Variants in DPYSL3 observed in about 807,000 individuals in gnomAD.
DPYSL3 encodes dihydropyrimidinase-related protein 3.
In DPYSL3, 16 loss-of-function variants were observed where a neutral mutation model predicts 66.1. The ratio of observed to expected loss-of-function variants is 0.24; its 90% CI spans 0.16 to 0.37. The LOEUF (loss-of-function observed/expected upper bound fraction) is 0.37. Ranked by LOEUF, DPYSL3 falls within the 10% of genes least tolerant of loss-of-function variation. The probability of loss-of-function intolerance (pLI) is 1.00; values close to 1 mark genes in which losing one functional copy is unlikely to be tolerated. For missense variants in DPYSL3, 738 were observed against 916.2 expected, an observed-to-expected ratio of 0.81 and a Z score of 2.51; for synonymous variants, 338 against 345.1, an observed-to-expected ratio of 0.98 and a Z score of 0.23.
intron 3 of DPYSL3, among the ~76,000 whole-genome samples, 198 bp downstream of exon 3, chr5:147,418,249 C>T (rs1445502803): frequency 6.6e-6 from 1 of 152,188 alleles, no homozygotes; most frequent in Admixed American, 6.5e-5. Flanking sequence ...GACCAAGAGC[C>T]TCATGAATCT....
chr5:147,502,608 G>T (rs1425246455), intron 1 of DPYSL3, among the ~76,000 whole-genome samples: 3 of 119,858 alleles, frequency 2.5e-5, no homozygotes, highest in African/African-American at 6.6e-5. Flanking sequence ...ACGGAGTCTC[G>T]CTCTGTCGCC....
rs56967216 is a variant in DPYSL3 at position 147,494,689 on chromosome 5, C to A, written c.381+14789G>T. ...GACCATCCTGGCTAACATGGTGAAA[C>A]CCCGTCTCTACGAAAAATACAAAAA... is the stretch of plus-strand genomic sequence containing the variant. On this transcript the variant is annotated intron_variant, in intron 1 of 13. Transcript: ENST00000343218. Among the ~76,000 whole-genome samples the A allele has an allele frequency of 8.7e-3, 1,276 of 146,304 alleles. 15 individuals are homozygous for A. Among genetic ancestry groups the A allele is most frequent in the African/African-American group, 0.031 (1,224 of 39,370 alleles).
intron 1 of DPYSL3, among the ~76,000 whole-genome samples, chr5:147,481,546 C>G (rs1753243931): frequency 6.6e-6 from 1 of 152,142 alleles, no homozygotes; most frequent in African/African-American, 2.4e-5. Flanking sequence ...AGGGATGATG[C>G]AAAAGGCTTG....
intron 7 of DPYSL3, among the ~76,000 whole-genome samples, chr5:147,408,349 A>C (rs1021435798): frequency 7.2e-5 from 11 of 152,212 alleles, no homozygotes; most frequent in Non-Finnish European, 1.3e-4. Context: ...CAAATTGATG[A>C]GTATAATGTA....
At chr5:147,504,835 C>T (rs1753662288) in intron 1 of DPYSL3, among the ~76,000 whole-genome samples, 1 of 152,108 alleles carries the variant, frequency 6.6e-6, no homozygotes, top group African/African-American at 2.4e-5. Flanking sequence ...CAATAAAAAC[C>T]CCTGTAATCA....
intron 1 of DPYSL3, among the ~76,000 whole-genome samples, chr5:147,502,752 A>G (rs1753631089): frequency 6.6e-6 from 1 of 151,450 alleles, no homozygotes. Flanking sequence ...AATTTTTTGT[A>G]TTTTTAGTAG....
At chr5:147,453,737 C>T (rs1470706024) in intron 1 of DPYSL3, 1 of 1,313,738 alleles carries the variant, frequency 7.6e-7, no homozygotes, top group Non-Finnish European at 9.7e-7. Flanking sequence ...CCGCCCCCCT[C>T]CCGGGCTCCC....
intron 1 of DPYSL3, among the ~76,000 whole-genome samples, chr5:147,508,153 A>T (rs1296759004): frequency 6.6e-6 from 1 of 152,224 alleles, no homozygotes; most frequent in African/African-American, 2.4e-5. Flanking sequence ...AAAATCACAA[A>T]CTAAATGAAT....
chr5:147,408,392 GC>G (rs1751766613), intron 7 of DPYSL3, among the ~76,000 whole-genome samples: 1 of 151,994 alleles, frequency 6.6e-6, no homozygotes, highest in Non-Finnish European at 1.5e-5. Context: ...TTATCTATAT[GC>G]CAATATTTTG....
rs1007954166 is a variant in DPYSL3, at chr5:147,492,382, C to A, written c.381+17096G>T. ...TAAATAAGTAAAGGTAATATGAAAA[C>A]TTTGTTTTTCCTATTCTTAATGTAT... On this transcript the variant is annotated intron_variant, in intron 1 of 13. Coordinates refer to ENST00000343218, the MANE Select transcript of DPYSL3 (RefSeq NM_001197294.2). 3.1e-4 allele frequency among the ~76,000 whole-genome samples: 47 copies of A among 151,876 alleles called. 1 individual carries two copies. The highest frequency in any genetic ancestry group is 7.4e-5 in the Non-Finnish European group (5 of 67,916).
intron 1 of DPYSL3, among the ~76,000 whole-genome samples, chr5:147,494,851 C>A (rs1007714600): frequency 3.3e-5 from 5 of 149,824 alleles, no homozygotes; most frequent in African/African-American, 1.2e-4. Context: ...TGCACTCCAG[C>A]CTGGGTGACA....
At chr5:147,459,166 T>A (rs1752897487) in intron 1 of DPYSL3, among the ~76,000 whole-genome samples, 1 of 152,106 alleles carries the variant, frequency 6.6e-6, no homozygotes, top group South Asian at 2.1e-4. Flanking sequence ...CCAAAACATT[T>A]AAAATAAGGA....
At chr5:147,439,167 A>C (rs1279686460) in intron 1 of DPYSL3, among the ~76,000 whole-genome samples, 1 of 152,230 alleles carries the variant, frequency 6.6e-6, no homozygotes, top group Non-Finnish European at 1.5e-5. Flanking sequence ...GAACAAAATA[A>C]AATAAGGCAC....
chr5:147,413,559 C>T (rs374586667), intron 5 of DPYSL3, 37 bp downstream of exon 5: 162 of 1,553,074 alleles, frequency 1.0e-4, no homozygotes, highest in Non-Finnish European at 1.3e-4. Flanking sequence ...GGAAACCCAT[C>T]CAGATACCCC....
chr5:147,410,281 C>G (rs1581178376), intron 6 of DPYSL3, among the ~76,000 whole-genome samples: 1 of 152,226 alleles, frequency 6.6e-6, no homozygotes, highest in East Asian at 1.9e-4. Flanking sequence ...ATTTAAATCA[C>G]CAGGGGATTA....
chr5:147,428,807 G>A (rs1024658084), intron 1 of DPYSL3, among the ~76,000 whole-genome samples: 4 of 152,092 alleles, frequency 2.6e-5, no homozygotes, highest in African/African-American at 7.2e-5. Flanking sequence ...ACGGTGGGTG[G>A]GGTGCGGGGA....
intron 1 of DPYSL3, among the ~76,000 whole-genome samples, chr5:147,480,825 C>T (rs1041410547): frequency 6.6e-6 from 1 of 151,610 alleles, no homozygotes; most frequent in Non-Finnish European, 1.5e-5. Flanking sequence ...CGGGTTTAAG[C>T]GATTCTTCTG....
At chr5:147,421,067 G>A (rs2126319011) in intron 2 of DPYSL3, among the ~76,000 whole-genome samples, 1 of 152,324 alleles carries the variant, frequency 6.6e-6, no homozygotes, top group South Asian at 2.1e-4. Flanking sequence ...AAGAGAGGAA[G>A]TCAAATAGTC....
intron 1 of DPYSL3, among the ~76,000 whole-genome samples, chr5:147,431,314 A>G (rs1174403884): frequency 6.6e-6 from 1 of 152,140 alleles, no homozygotes; most frequent in African/African-American, 2.4e-5. Context: ...CTGTTATTAA[A>G]TATGTTGCCT....
Sources: gnomAD v4.1 joint callset for allele counts (sites outside exome capture counted in the v4.1 genomes callset) on GRCh38, gnomAD v4.1.1 for gene constraint, MANE v1.5 for transcripts, NCBI Gene and HGNC (gene_info 2026-07-23, HGNC 2026-07-21) for gene names.